Variants in NELL1 observed in about 807,000 individuals in gnomAD.
NELL1 encodes the protein neural EGFL like 1, also known as protein kinase C-binding protein NELL1.
Under a neutral mutation model 107.4 loss-of-function variants are expected in NELL1, and 76 were observed. The ratio of observed to expected loss-of-function variants is 0.71; its 90% CI spans 0.59 to 0.86. NELL1 has a LOEUF of 0.86. NELL1 is among the 40% of genes least tolerant of loss of function. The pLI is 0.00. For synonymous variants in NELL1, 353 were observed against 341.2 expected, an observed-to-expected ratio of 1.03 and a Z score of -0.38; for missense variants, 1,024 against 1,005.5, an observed-to-expected ratio of 1.02 and a Z score of -0.25.
intron 2 of NELL1, among the ~76,000 whole-genome samples, chr11:20,765,168 A>AG (rs2133961977): frequency 6.8e-6 from 1 of 146,132 alleles, no homozygotes; most frequent in Admixed American, 6.9e-5. Context: ...TGTTAAAAAA[A>AG]AAAAATAAAA....
intron 12 of NELL1, among the ~76,000 whole-genome samples, chr11:20,977,496 C>A (rs1180709144): frequency 6.6e-6 from 1 of 152,106 alleles, no homozygotes; most frequent in Non-Finnish European, 1.5e-5. Flanking sequence ...GATCTCCTGA[C>A]CTCATGATCC....
At chr11:20,780,058 A>G (rs940848200) in intron 2 of NELL1, among the ~76,000 whole-genome samples, 1 of 152,228 alleles carries the variant, frequency 6.6e-6, no homozygotes, top group African/African-American at 2.4e-5. Flanking sequence ...TGAGAGTGAG[A>G]ATGCACATAA....
chr11:21,263,795 T>A (rs963389889), intron 14 of NELL1, among the ~76,000 whole-genome samples: 1 of 151,878 alleles, frequency 6.6e-6, no homozygotes, highest in Non-Finnish European at 1.5e-5. Context: ...GAATTCAGCT[T>A]TTTCAGATCT....
chr11:20,756,801 G>C (rs528603999), intron 2 of NELL1, among the ~76,000 whole-genome samples: 3 of 152,278 alleles, frequency 2.0e-5, no homozygotes, highest in African/African-American at 4.8e-5. Context: ...CCCTGAGAGA[G>C]GGGGGAAATG....
rs1565122814 is a variant in NELL1, at chr11:21,232,179, A to ATATATATATATATATATATATAT, written c.1549+2725_1549+2726insTATATATATATATATATATATAT. Reference sequence around the variant, plus strand: ...AAAAAAATATATATATATATATATAAATTAGCTGGGCGTGGTGGTGTCCAC... The same window carrying ATATATATATATATATATATATAT: ...AAAAAAATATATATATATATATATAATATATATATATATATATATATATATTAGCTGGGCGTGGTGGTGTCCAC... On this transcript the variant is annotated intron_variant, in intron 14 of 19. Transcript: ENST00000357134. Among the ~76,000 whole-genome samples the ATATATATATATATATATATATAT allele has an allele frequency of 3.2e-3, 358 of 110,996 alleles. 5 individuals are homozygous for ATATATATATATATATATATATAT. Among genetic ancestry groups the ATATATATATATATATATATATAT allele is most frequent in the Admixed American group, 4.3e-3 (44 of 10,304 alleles). 72.8% of individuals were successfully genotyped at this position (110,996 alleles called of 152,430 possible).
At chr11:20,872,018 C>CAAAAAAA in intron 4 of NELL1, among the ~76,000 whole-genome samples, 61 of 41,440 alleles carry the variant, frequency 1.5e-3, no homozygotes, top group Non-Finnish European at 2.0e-3. Flanking sequence ...GACTCCGTCT[C>CAAAAAAA]AAAAAAAAAA....
At chr11:21,076,718 C>T (rs986556491) in intron 12 of NELL1, among the ~76,000 whole-genome samples, 6 of 152,132 alleles carry the variant, frequency 3.9e-5, no homozygotes, top group South Asian at 2.1e-4. Context: ...GGGCAGATAG[C>T]GCATGAATGC....
At chr11:20,938,689 A>G (rs1850779021) in intron 10 of NELL1, among the ~76,000 whole-genome samples, 2 of 152,140 alleles carry the variant, frequency 1.3e-5, no homozygotes, top group South Asian at 4.1e-4. Context: ...GCACGTTCCA[A>G]ACAGAAGGAA....
intron 15 of NELL1, among the ~76,000 whole-genome samples, chr11:21,407,809 G>A (rs772569386): frequency 1.3e-5 from 2 of 150,064 alleles, no homozygotes; most frequent in African/African-American, 2.5e-5. Flanking sequence ...TGCTTCTATG[G>A]TTTTGTTTCT....
intron 14 of NELL1, among the ~76,000 whole-genome samples, chr11:21,303,031 A>C (rs1849528586): frequency 6.6e-6 from 1 of 151,954 alleles, no homozygotes; most frequent in African/African-American, 2.4e-5. Context: ...GCTTCATGCC[A>C]ACCTGGGCAC....
intron 15 of NELL1, among the ~76,000 whole-genome samples, chr11:21,493,000 G>A (rs75916376): frequency 0.077 from 11,632 of 151,970 alleles, 627 homozygotes; most frequent in East Asian, 0.22. Flanking sequence ...ATATCACTAA[G>A]CATCATGAAA....
intron 15 of NELL1, among the ~76,000 whole-genome samples, chr11:21,391,074 G>A (rs1009178980): frequency 6.6e-6 from 1 of 151,662 alleles, no homozygotes; most frequent in Non-Finnish European, 1.5e-5. Context: ...TTGTTCAAAT[G>A]TTGCACATCT....
At chr11:20,910,785 C>G (rs920737579) in intron 5 of NELL1, among the ~76,000 whole-genome samples, 1 of 152,188 alleles carries the variant, frequency 6.6e-6, no homozygotes, top group Non-Finnish European at 1.5e-5. Context: ...AACTGGCAGA[C>G]AATATACTGT....
intron 12 of NELL1, among the ~76,000 whole-genome samples, chr11:21,025,519 T>C (rs760821838): frequency 6.6e-6 from 1 of 151,888 alleles, no homozygotes; most frequent in Non-Finnish European, 1.5e-5. Flanking sequence ...ATTTAATGTA[T>C]AGGAAGTTTA....
At chr11:20,852,183 G>A (rs976451105) in intron 4 of NELL1, among the ~76,000 whole-genome samples, 2 of 151,836 alleles carry the variant, frequency 1.3e-5, no homozygotes, top group Non-Finnish European at 2.9e-5. Flanking sequence ...TTGTTCAAAT[G>A]TGTATGGCAC....
intron 14 of NELL1, among the ~76,000 whole-genome samples, chr11:21,309,595 T>C (rs1377436812): frequency 1.3e-5 from 2 of 151,888 alleles, no homozygotes; most frequent in East Asian, 3.9e-4. Flanking sequence ...ATTGTATTAG[T>C]CCATTTTCAT....
intron 3 of NELL1, among the ~76,000 whole-genome samples, chr11:20,789,387 G>A (rs1260067651): frequency 2.0e-5 from 3 of 152,198 alleles, no homozygotes; most frequent in African/African-American, 7.2e-5. Context: ...GGCTGGACCA[G>A]GTACACCTCA....
chr11:21,422,152 A>G (rs984799415), intron 15 of NELL1, among the ~76,000 whole-genome samples: 1 of 143,054 alleles, frequency 7.0e-6, no homozygotes, highest in African/African-American at 3.0e-5. Context: ...TACACGTGCA[A>G]GAGAGAGAGA....
chr11:21,079,842 G>A (rs549298322), intron 12 of NELL1, among the ~76,000 whole-genome samples: 1 of 152,156 alleles, frequency 6.6e-6, no homozygotes, highest in East Asian at 1.9e-4. Flanking sequence ...AAATTGAAAG[G>A]GGCAGTTGTC....
Sources: allele counts gnomAD v4.1 joint callset (sites outside exome capture counted in the v4.1 genomes callset), GRCh38; gene constraint gnomAD v4.1.1; transcripts MANE v1.5; gene names NCBI Gene and HGNC (gene_info 2026-07-23, HGNC 2026-07-21).